The following KIF27 variants were observed in gnomAD, a reference collection of about 807,000 sequenced individuals.
KIF27 encodes kinesin family member 27.
Under a neutral mutation model 141.8 loss-of-function variants are expected in KIF27, and 84 were observed. The ratio of observed to expected loss-of-function variants is 0.59; its 90% confidence interval spans 0.50 to 0.71. KIF27 has a LOEUF of 0.71. Among genes scored for constraint, KIF27 ranks in the 30% least tolerant of loss-of-function variants. The pLI, the probability that KIF27 is intolerant of heterozygous loss-of-function variation, is 0.00. For missense variants in KIF27, 1,306 were observed against 1,628.4 expected, an observed-to-expected ratio of 0.80 and a Z score of 3.41; for synonymous variants, 471 against 569.5, an observed-to-expected ratio of 0.83 and a Z score of 2.46.
chr9:83,844,352 CTA>C (rs1491542692), intron 16 of KIF27, among the ~76,000 whole-genome samples: 32 of 50,632 alleles, frequency 6.3e-4, no homozygotes, highest in Non-Finnish European at 1.0e-3. Flanking sequence ...ATATAGATAT[CTA>C]TATCTATATC....
At chr9:83,904,902 TATAA>T (rs1954339549) in intron 3 of KIF27, among the ~76,000 whole-genome samples, 1 of 150,694 alleles carries the variant, frequency 6.6e-6, no homozygotes, top group Non-Finnish European at 1.5e-5. Context: ...AGGTATGGTT[TATAA>T]ATAAAGTTGG....
At chr9:83,855,575 T>C (rs1008173638) in intron 14 of KIF27, among the ~76,000 whole-genome samples, 2 of 152,220 alleles carry the variant, frequency 1.3e-5, no homozygotes, top group African/African-American at 4.8e-5. Context: ...TTATCATCAA[T>C]AGGTTCTTGG....
chr9:83,905,423 C>G lies in KIF27; in HGVS notation c.500-1405G>C, dbSNP rs189088290. ...GTGAGCCACCGCACCCGGCCTATAT[C>G]CAAAAATATTTCAAAGAGAAGTAGG... On this transcript the variant is annotated intron_variant, in intron 3 of 17. Coordinates refer to ENST00000297814, the MANE Select transcript of KIF27 (RefSeq NM_017576.4). Among the ~76,000 whole-genome samples, 693 of 151,932 alleles carry G rather than the reference C, an allele frequency of 4.6e-3. 3 individuals are homozygous for G. The highest frequency in any genetic ancestry group is 0.016 in the African/African-American group (650 of 41,484).
chr9:83,867,871 A>AT lies in KIF27; in HGVS notation c.2758-12dup. On this transcript the variant is annotated splice_polypyrimidine_tract_variant and intron_variant, in intron 12 of 17. Transcript: ENST00000297814. The stretch of plus-strand genomic sequence containing the variant: ...TTGCTCATCCAATTTCTACATTAAA[A>AT]TTAAAAAAAAAGTTACTTGTTTTTC... 1 of 1,562,198 alleles carries AT rather than the reference A, an allele frequency of 6.4e-7. No homozygotes were observed. The highest frequency in any genetic ancestry group is 8.6e-7 in the Non-Finnish European group (1 of 1,161,340).
intron 11 of KIF27, among the ~76,000 whole-genome samples, chr9:83,872,226 G>A (rs556061811): frequency 6.6e-6 from 1 of 152,234 alleles, no homozygotes; most frequent in East Asian, 2.0e-4. Context: ...TGAGGCACGA[G>A]AATCGCTTGA....
At chr9:83,870,431 T>A in intron 12 of KIF27, 88 bp downstream of exon 12, 1 of 1,545,590 alleles carries the variant, frequency 6.5e-7, no homozygotes, top group Non-Finnish European at 8.8e-7. Flanking sequence ...CGTCCCAAAG[T>A]GCTAGGATTA....
chr9:83,920,259 T>C (rs544642043), intron 1 of KIF27, among the ~76,000 whole-genome samples: 124 of 152,152 alleles, frequency 8.1e-4, no homozygotes, highest in Non-Finnish European at 1.5e-3. Flanking sequence ...TCCACAAACA[T>C]AGGGCTTGTA....
intron 14 of KIF27, 107 bp downstream of exon 14, chr9:83,859,049 G>C (rs1468594677): frequency 4.5e-6 from 4 of 897,054 alleles, no homozygotes; most frequent in Non-Finnish European, 5.4e-6. Context: ...AAAATCTCAA[G>C]GAACCAAGTT....
At chr9:83,881,570 C>T (rs1396737012) in intron 10 of KIF27, among the ~76,000 whole-genome samples, 2 of 152,216 alleles carry the variant, frequency 1.3e-5, no homozygotes, top group East Asian at 1.9e-4. Context: ...ATTCGGTTGA[C>T]GTTTTCATGT....
intron 16 of KIF27, among the ~76,000 whole-genome samples, chr9:83,848,061 C>CATATCTG (rs1554764477): frequency 1.0e-4 from 2 of 19,292 alleles, no homozygotes; most frequent in African/African-American, 3.2e-4. Context: ...ATCTATATAT[C>CATATCTG]ATATATATGA....
rs1439615503 is a variant in KIF27, at chr9:83,903,537, C to T, written c.981G>A (p.Glu327=). The T allele has an allele frequency of 1.9e-6, 3 of 1,613,976 alleles. No homozygotes were observed. The highest frequency in any genetic ancestry group is 1.7e-5 in the Admixed American group (1 of 59,992). Residue 327 remains glutamate (E), a synonymous_variant, in exon 4 of 18, where the codon GAG becomes GAA. Coordinates refer to ENST00000297814, the MANE Select transcript of KIF27 (RefSeq NM_017576.4). ...CVSPSSSNFD[E]SLNSLKYANR... Reference sequence around the variant, plus strand: ...TGGCATATTTGAGAGAATTTAAGGACTCATCAAAATTCGAGGAGGAGGGGC... The same window carrying T: ...TGGCATATTTGAGAGAATTTAAGGATTCATCAAAATTCGAGGAGGAGGGGC...
chr9:83,880,898 T>C (rs1454793959), intron 10 of KIF27, among the ~76,000 whole-genome samples: 1 of 152,234 alleles, frequency 6.6e-6, no homozygotes, highest in African/African-American at 2.4e-5. Context: ...ATTTCTTAAA[T>C]ATTCTTCCAG....
chr9:83,911,326 G>T (rs573213320), intron 2 of KIF27, among the ~76,000 whole-genome samples: 26 of 152,302 alleles, frequency 1.7e-4, no homozygotes, highest in African/African-American at 6.0e-4. Flanking sequence ...CACCTCCTGG[G>T]TTCAAGCGAT....
chr9:83,839,115 G>T (rs1302060947), intron 17 of KIF27, among the ~76,000 whole-genome samples: 1 of 152,008 alleles, frequency 6.6e-6, no homozygotes, highest in Non-Finnish European at 1.5e-5. Flanking sequence ...AGCCATGAAT[G>T]TACCACTACC....
intron 5 of KIF27, chr9:83,898,631 ATAC>A (rs1953514930): frequency 1.3e-5 from 2 of 152,186 alleles, no homozygotes; most frequent in Non-Finnish European, 2.9e-5. Flanking sequence ...TGTTTTGTAT[ATAC>A]TTTAGTTTTA....
chr9:83,901,872 A>C (rs1219288130), intron 4 of KIF27, among the ~76,000 whole-genome samples: 1 of 147,618 alleles, frequency 6.8e-6, no homozygotes, highest in African/African-American at 2.5e-5. Flanking sequence ...ATTCCATCTC[A>C]AAAAAAAAAA....
Position 83,891,298 on chromosome 9 carries a change from C to T in KIF27, c.1806G>A (p.Arg602=). The T allele has an allele frequency of 6.2e-7, 1 of 1,610,132 alleles. No individual in the cohort carries two copies. The highest frequency in any genetic ancestry group is 8.5e-7 in the Non-Finnish European group (1 of 1,178,236). Residue 602 remains arginine, a synonymous_variant, in exon 6 of 18, where the codon AGG becomes AGA. Coordinates refer to ENST00000297814, the MANE Select transcript of KIF27 (RefSeq NM_017576.4). ...YIYIPSRQDS[R]KVHTSPPMYS... ...GAAAAGATTGTTTGGACTTTACCTT[C>T]CTGGAATCTTGTCTTGATGGGATAT...
At chr9:83,870,981 G>A (rs1950740720) in intron 11 of KIF27, among the ~76,000 whole-genome samples, 1 of 151,928 alleles carries the variant, frequency 6.6e-6, no homozygotes, top group South Asian at 2.1e-4. Flanking sequence ...CGTGATCATA[G>A]CTCACTGTAA....
At chr9:83,917,879 T>C (rs1955851687) in intron 1 of KIF27, among the ~76,000 whole-genome samples, 1 of 152,134 alleles carries the variant, frequency 6.6e-6, no homozygotes, top group South Asian at 2.1e-4. Context: ...TGACCTTGGA[T>C]TTGGCAATAA....
Sources: gnomAD v4.1 joint callset for allele counts (sites outside exome capture counted in the v4.1 genomes callset) on GRCh38, gnomAD v4.1.1 for gene constraint, MANE v1.5 for transcripts, NCBI Gene and HGNC (gene_info 2026-07-23, HGNC 2026-07-21) for gene names.